Variants in KCTD1 observed in about 807,000 individuals in gnomAD.
KCTD1 encodes potassium channel tetramerization domain containing 1.
In KCTD1, 24 loss-of-function variants were observed where a neutral mutation model predicts 66.0. The observed-to-expected ratio is 0.36, with a 90% CI of 0.26 to 0.51. The LOEUF (loss-of-function observed/expected upper bound fraction) is 0.51. Ranked by LOEUF, KCTD1 falls within the 20% of genes least tolerant of loss-of-function variation. The pLI, the probability that KCTD1 is intolerant of heterozygous loss-of-function variation, is 0.95. For missense variants in KCTD1, 943 were observed against 1,205.2 expected, an observed-to-expected ratio of 0.78 and a Z score of 3.22; for synonymous variants, 511 against 517.2, an observed-to-expected ratio of 0.99 and a Z score of 0.16.
chr18:26,480,754 G>C (rs577371532), intron 2 of KCTD1, among the ~76,000 whole-genome samples: 1 of 151,984 alleles, frequency 6.6e-6, no homozygotes, highest in Non-Finnish European at 1.5e-5. Context: ...GCAACAGAGC[G>C]AGACTTTGTC....
intron 1 of KCTD1, among the ~76,000 whole-genome samples, chr18:26,501,664 TC>T (rs1464266366): frequency 6.6e-6 from 1 of 152,242 alleles, no homozygotes; most frequent in Admixed American, 6.5e-5. Context: ...TTTGAAAACT[TC>T]CTCATTGCTA....
At chr18:26,461,558 C>T (rs1980426719) in intron 3 of KCTD1, among the ~76,000 whole-genome samples, 1 of 152,166 alleles carries the variant, frequency 6.6e-6, no homozygotes, top group Non-Finnish European at 1.5e-5. Context: ...GAACCGGGGC[C>T]CTTAGCCCAG....
chr18:26,507,385 T>G (rs1000198824), intron 1 of KCTD1, among the ~76,000 whole-genome samples: 32 of 152,284 alleles, frequency 2.1e-4, no homozygotes, highest in African/African-American at 7.7e-4. Flanking sequence ...TTCTTATTTC[T>G]TAGAGACTCG....
At chr18:26,616,109 T>G (rs1286111651) in intron 1 of KCTD1, among the ~76,000 whole-genome samples, 2 of 151,738 alleles carry the variant, frequency 1.3e-5, no homozygotes, top group Non-Finnish European at 2.9e-5. Flanking sequence ...CTTTTAATTG[T>G]CATGGCAGAC....
chr18:26,490,431 C>G (rs1982136469), intron 2 of KCTD1, among the ~76,000 whole-genome samples: 1 of 151,956 alleles, frequency 6.6e-6, no homozygotes, highest in South Asian at 2.1e-4. Flanking sequence ...TAATCTGGTT[C>G]ATTGCTCTTT....
At chr18:26,513,122 G>C (rs9675462) in intron 1 of KCTD1, among the ~76,000 whole-genome samples, 103,942 of 146,430 alleles carry the variant, frequency 0.71, 37,467 homozygotes, top group Middle Eastern at 0.8. Flanking sequence ...TAGTCTCGCT[G>C]TGTTGCCCAG....
chr18:26,588,930 A>C (rs971312027), intron 1 of KCTD1, among the ~76,000 whole-genome samples: 1 of 151,146 alleles, frequency 6.6e-6, no homozygotes, highest in Non-Finnish European at 1.5e-5. Context: ...GAAGAGGTCC[A>C]TGCGGCTTGG....
intron 1 of KCTD1, among the ~76,000 whole-genome samples, chr18:26,558,219 T>G (rs754972990): frequency 6.6e-6 from 1 of 152,146 alleles, no homozygotes; most frequent in Non-Finnish European, 1.5e-5. Flanking sequence ...ACATCACTGA[T>G]CATCAAGAGA....
chr18:26,647,553 A>C (rs1987953983), intron 1 of KCTD1, among the ~76,000 whole-genome samples: 1 of 135,234 alleles, frequency 7.4e-6, no homozygotes, highest in Admixed American at 7.5e-5. Flanking sequence ...AAAAAAAAAA[A>C]AGGGCTGAAT....
chr18:26,593,903 TGAG>T (rs1986706613), intron 1 of KCTD1, among the ~76,000 whole-genome samples: 1 of 102,494 alleles, frequency 9.8e-6, no homozygotes, highest in Non-Finnish European at 2.0e-5. Context: ...AGGAGGAAGA[TGAG>T]GAGGACGAGG....
chr18:26,655,572 G>A (rs1452892530), intron 1 of KCTD1, among the ~76,000 whole-genome samples: 1 of 152,180 alleles, frequency 6.6e-6, no homozygotes, highest in African/African-American at 2.4e-5. Context: ...GCACCTTTTA[G>A]CGAAGAAGCC....
At chr18:26,514,494 G>A (rs1314040589) in intron 1 of KCTD1, among the ~76,000 whole-genome samples, 1 of 149,180 alleles carries the variant, frequency 6.7e-6, no homozygotes, top group Admixed American at 6.8e-5. Flanking sequence ...AGGCTGCAGT[G>A]AGCTATGATC....
intron 1 of KCTD1, among the ~76,000 whole-genome samples, chr18:26,637,147 T>C (rs1233718218): frequency 1.3e-5 from 2 of 152,164 alleles, no homozygotes; most frequent in African/African-American, 4.8e-5. Context: ...TGTTTAAATT[T>C]TTTTGTTGTT....
chr18:26,643,967 A>T (rs1172235429), upstream of KCTD1, among the ~76,000 whole-genome samples: 1 of 151,830 alleles, frequency 6.6e-6, no homozygotes, highest in Non-Finnish European at 1.5e-5. Flanking sequence ...GTCTCAAAAA[A>T]AAAAGGGGGC....
chr18:26,629,531 GGTTTCCCGA>G (rs1987572285), upstream of KCTD1, among the ~76,000 whole-genome samples: 1 of 152,188 alleles, frequency 6.6e-6, no homozygotes, highest in Non-Finnish European at 1.5e-5. Flanking sequence ...GAAATGTCAA[GGTTTCCCGA>G]GAGCACAGAG....
At chr18:26,655,172 T>G (rs1598987114) in intron 1 of KCTD1, among the ~76,000 whole-genome samples, 1 of 152,210 alleles carries the variant, frequency 6.6e-6, no homozygotes, top group Non-Finnish European at 1.5e-5. Context: ...AAAACACATT[T>G]GAGATATACA....
Position 26,459,862 on chromosome 18 carries a change from C to T in KCTD1, c.2197G>A (p.Glu733Lys). The change falls in exon 4 of 5, where the codon GAA becomes AAA. Residue 733 changes from glutamate to lysine, a missense_variant. Coordinates refer to ENST00000580059, the MANE Select transcript of KCTD1 (RefSeq NM_001142730.3). Reference protein sequence around the residue: ...FQLQPMLLEMERWKQDRETGR... With the variant: ...FQLQPMLLEMKRWKQDRETGR... ...GTTTCTCTGTCCTGCTTCCATCTTT[C>T]CATCTCCAACAACATGGGCTGAAGC... 3 of 1,613,144 alleles carry T rather than the reference C, an allele frequency of 1.9e-6. No homozygotes were observed. Among genetic ancestry groups the T allele is most frequent in the Non-Finnish European group, 2.5e-6 (3 of 1,179,310 alleles).
At chr18:26,569,307 A>G (rs1331248188) in intron 1 of KCTD1, among the ~76,000 whole-genome samples, 1 of 152,138 alleles carries the variant, frequency 6.6e-6, no homozygotes, top group South Asian at 2.1e-4. Context: ...CAAATCCTGT[A>G]TTCCTTCACT....
intron 2 of KCTD1, among the ~76,000 whole-genome samples, chr18:26,497,150 G>A (rs897700822): frequency 6.6e-5 from 10 of 152,100 alleles, no homozygotes; most frequent in African/African-American, 9.7e-5. Context: ...ATTTCAAAAC[G>A]GAGTAAAGGT....
Sources: gnomAD v4.1 joint callset for allele counts (sites outside exome capture counted in the v4.1 genomes callset) on GRCh38, gnomAD v4.1.1 for gene constraint, MANE v1.5 for transcripts, NCBI Gene and HGNC (gene_info 2026-07-23, HGNC 2026-07-21) for gene names.